The following SPMIP3 variants were observed in gnomAD, a reference collection of about 807,000 sequenced individuals.
SPMIP3 encodes protein SPMIP3.
At chr1:244,363,909 C>G in the SPMIP3 span, among the ~76,000 whole-genome samples, 1 of 152,160 alleles carries the variant, frequency 6.6e-6, no homozygotes, top group Non-Finnish European at 1.5e-5. Context: ...TGCAAGGGCG[C>G]TCACTCCTAG....
chr1:244,357,056 G>A, the SPMIP3 span, among the ~76,000 whole-genome samples: 1 of 150,896 alleles, frequency 6.6e-6, no homozygotes, highest in Non-Finnish European at 1.5e-5. Flanking sequence ...CCAAGTAACT[G>A]GGACTACAGA....
At chr1:244,388,950 G>C in the SPMIP3 span, 2 of 1,610,976 alleles carry the variant, frequency 1.2e-6, no homozygotes, top group Admixed American at 1.7e-5. Flanking sequence ...TTAAATTCCA[G>C]ATTGGAACCA....
chr1:244,354,591 C>A, the SPMIP3 span, among the ~76,000 whole-genome samples: 1 of 152,176 alleles, frequency 6.6e-6, no homozygotes, highest in Non-Finnish European at 1.5e-5. Context: ...GAACTCCTGA[C>A]CTCAAGTGAT....
chr1:244,364,840 C>A, the SPMIP3 span: 1 of 1,372,692 alleles, frequency 7.3e-7, no homozygotes, highest in Non-Finnish European at 1.0e-6. Flanking sequence ...CATCCTGCTG[C>A]TCAGTGGTCC....
the SPMIP3 span, among the ~76,000 whole-genome samples, chr1:244,359,941 C>T: frequency 5.9e-5 from 9 of 151,276 alleles, no homozygotes; most frequent in African/African-American, 2.2e-4. Context: ...AAACCTGTCT[C>T]TACTAAAAAT....
the SPMIP3 span, among the ~76,000 whole-genome samples, chr1:244,381,332 C>T: frequency 6.6e-6 from 1 of 152,132 alleles, no homozygotes; most frequent in African/African-American, 2.4e-5. Context: ...CTAGGTGCGC[C>T]TCCAGTTTCC....
chr1:244,373,970 C>G, the SPMIP3 span, among the ~76,000 whole-genome samples: 1,285 of 151,864 alleles, frequency 8.5e-3, 14 homozygotes, highest in Middle Eastern at 0.014. Flanking sequence ...AAAATTAGCC[C>G]GGTGTGGTGG....
chr1:244,369,625 G>A, the SPMIP3 span, among the ~76,000 whole-genome samples: 1 of 152,070 alleles, frequency 6.6e-6, no homozygotes, highest in African/African-American at 2.4e-5. Context: ...TGAAGTGCAG[G>A]TTTTATAACC....
chr1:244,365,940 G>C, the SPMIP3 span, among the ~76,000 whole-genome samples: 2 of 152,120 alleles, frequency 1.3e-5, no homozygotes, highest in Non-Finnish European at 2.9e-5. Context: ...CTTTCTTCAA[G>C]GTCCTCTATG....
chr1:244,372,559 C>G, the SPMIP3 span, among the ~76,000 whole-genome samples: 6 of 152,016 alleles, frequency 3.9e-5, no homozygotes, highest in African/African-American at 7.2e-5. Context: ...TTCTCCTGCC[C>G]CAGCCTCCCA....
the SPMIP3 span, among the ~76,000 whole-genome samples, chr1:244,383,154 G>C: frequency 6.6e-6 from 1 of 152,112 alleles, no homozygotes; most frequent in Non-Finnish European, 1.5e-5. Flanking sequence ...CTATTTAAGT[G>C]CCAGTCAATG....
At chr1:244,377,377 T>C in the SPMIP3 span, among the ~76,000 whole-genome samples, 1 of 152,216 alleles carries the variant, frequency 6.6e-6, no homozygotes, top group Non-Finnish European at 1.5e-5. Context: ...TGCCTCGGCC[T>C]CCCAAAGTGC....
chr1:244,367,368 C>T, the SPMIP3 span, among the ~76,000 whole-genome samples: 1 of 152,074 alleles, frequency 6.6e-6, no homozygotes, highest in African/African-American at 2.4e-5. Context: ...GGGGTTATTG[C>T]AGAGAGCAGG....
At chr1:244,356,986 C>CA in the SPMIP3 span, among the ~76,000 whole-genome samples, 1 of 130,538 alleles carries the variant, frequency 7.7e-6, no homozygotes, top group African/African-American at 3.0e-5. Flanking sequence ...GCAGTGGCAT[C>CA]ATTTCAGCTC....
chr1:244,378,607 G>A, the SPMIP3 span: 8 of 1,613,972 alleles, frequency 5.0e-6, no homozygotes, highest in East Asian at 2.2e-5. Context: ...ACCACTTACC[G>A]ACGAGACTAT....
At chr1:244,385,397 C>T in the SPMIP3 span, among the ~76,000 whole-genome samples, 2 of 152,150 alleles carry the variant, frequency 1.3e-5, no homozygotes, top group Non-Finnish European at 2.9e-5. Context: ...TTTTTGGGCA[C>T]TGACTATGTG....
At chr1:244,355,714 A>G in the SPMIP3 span, among the ~76,000 whole-genome samples, 4 of 152,196 alleles carry the variant, frequency 2.6e-5, no homozygotes, top group Admixed American at 6.5e-5. Flanking sequence ...AAGTTTGTCT[A>G]TATCTACAAA....
the SPMIP3 span, among the ~76,000 whole-genome samples, chr1:244,360,505 G>GAT: frequency 7.9e-5 from 11 of 139,694 alleles, no homozygotes; most frequent in Admixed American, 1.4e-4. Flanking sequence ...AAGAAAACGT[G>GAT]ATATACACAC....
At chr1:244,386,133 G>C in the SPMIP3 span, among the ~76,000 whole-genome samples, 24 of 152,108 alleles carry the variant, frequency 1.6e-4, no homozygotes, top group Admixed American at 3.9e-4. Flanking sequence ...AGCCAAGATC[G>C]CACCACTGCA....
Sources: gnomAD v4.1 joint callset for allele counts (sites outside exome capture counted in the v4.1 genomes callset) on GRCh38, gnomAD v4.1.1 for gene constraint, MANE v1.5 for transcripts, NCBI Gene and HGNC (gene_info 2026-07-23, HGNC 2026-07-21) for gene names.